ALDH18A1: variants seen among roughly 807,000 people sequenced by gnomAD.
The protein encoded by ALDH18A1 is delta-1-pyrroline-5-carboxylate synthase.
A neutral mutation model predicts 88.8 loss-of-function variants in ALDH18A1; 44 were observed. That is an observed-to-expected ratio of 0.50 (90% confidence interval 0.39 to 0.64). The LOEUF is 0.64. ALDH18A1 is among the 30% of genes least tolerant of loss of function. The probability of loss-of-function intolerance (pLI) is 0.00; values close to 1 mark genes in which losing one functional copy is unlikely to be tolerated. For synonymous variants in ALDH18A1, 331 were observed against 372.1 expected (o/e 0.89, Z 1.27); for missense variants, 782 against 1,009.5 (o/e 0.77, Z 3.05).
At chr10:95,626,665 C>G in intron 10 of ALDH18A1, 38 bp downstream of exon 10, 2 of 1,604,696 alleles carry the variant, frequency 1.2e-6, no homozygotes, top group Non-Finnish European at 1.7e-6. Context: ...ATGACTCACT[C>G]TGAAAACTAT....
At chr10:95,627,783 A>C (rs1187825580) in intron 8 of ALDH18A1, among the ~76,000 whole-genome samples, 197 bp from the exon 9 acceptor site, 1 of 152,264 alleles carries the variant, frequency 6.6e-6, no homozygotes, top group East Asian at 1.9e-4. Flanking sequence ...TGTGTTACTT[A>C]AAGGTAAACC....
At chr10:95,628,853 G>A (rs1255392812) in intron 7 of ALDH18A1, 1 of 326,206 alleles carries the variant, frequency 3.1e-6, no homozygotes, top group African/African-American at 2.1e-5. Context: ...GAAAAAGAAG[G>A]GTGGCTATTG....
At chr10:95,628,737 T>C in intron 7 of ALDH18A1, 2 of 497,042 alleles carry the variant, frequency 4.0e-6, no homozygotes, top group Non-Finnish European at 7.3e-6. Flanking sequence ...CATCAGATCA[T>C]GGCCATATCC....
rs1447413044 is a variant in ALDH18A1, at chr10:95,626,792, C to A, written c.1079-16G>T. ...ACAGTAGGGCCTGCAAGAATATGTG[C>A]AAATATCAGGTCATGGTCACCTTAG... On this transcript the variant is annotated splice_polypyrimidine_tract_variant and intron_variant, in intron 9 of 17. Transcript: ENST00000371224. The A allele has an allele frequency of 3.1e-6, 5 of 1,613,592 alleles. No individual in the cohort carries two copies. The highest frequency in any genetic ancestry group is 3.3e-5 in the Admixed American group (2 of 59,980).
chr10:95,637,003 C>T (rs749787993), intron 5 of ALDH18A1, 90 bp downstream of exon 5: 119 of 1,185,150 alleles, frequency 1.0e-4, no homozygotes, highest in Non-Finnish European at 1.4e-4. Context: ...GAAGCTGACA[C>T]CATATTCCAA....
intron 1 of ALDH18A1, among the ~76,000 whole-genome samples, chr10:95,654,603 T>C (rs947087144): frequency 1.3e-5 from 2 of 151,672 alleles, no homozygotes; most frequent in African/African-American, 4.9e-5. Flanking sequence ...GAAGAAAAAT[T>C]AGGAATGGTG....
At position 95,653,352 on chromosome 10, in the gene ALDH18A1, C is replaced by A. The variant is rs2139670109; in HGVS notation, c.26G>T (p.Gly9Val). Residue 9 changes from glycine (G) to valine (V), a missense_variant, in exon 2 of 18, where the codon GGG becomes GTG. Coordinates refer to ENST00000371224, the MANE Select transcript of ALDH18A1 (RefSeq NM_002860.4). ...AAGATGTTGGTTGAAGGGCTGGAAC[C>A]CACAGCGGTAAACTTGACTCAACAT... MLSQVYRC[G>V]FQPFNQHLLP... is the part of the protein sequence containing the mutation. The A allele has an allele frequency of 6.2e-7, 1 of 1,612,748 alleles. No homozygotes were observed.
At chr10:95,610,397 T>A in intron 16 of ALDH18A1, 105 bp from the exon 17 acceptor site, 2 of 1,019,328 alleles carry the variant, frequency 2.0e-6, no homozygotes, top group Non-Finnish European at 1.5e-6. Flanking sequence ...GGGTCCCCAC[T>A]GGGGCCTCTC....
chr10:95,610,794 TA>T (rs1023338429), intron 16 of ALDH18A1, among the ~76,000 whole-genome samples: 2 of 152,312 alleles, frequency 1.3e-5, no homozygotes, highest in African/African-American at 4.8e-5. Flanking sequence ...TCTGGTGCCC[TA>T]ATTAGCTGAC....
chr10:95,614,298 C>A, intron 13 of ALDH18A1, 137 bp from the exon 14 acceptor site: 1 of 970,276 alleles, frequency 1.0e-6, no homozygotes, highest in Admixed American at 2.5e-5. Context: ...ATTCTAAAAA[C>A]AAAATTAAGT....
At chr10:95,636,990 G>T in intron 5 of ALDH18A1, 103 bp downstream of exon 5, 3 of 1,066,868 alleles carry the variant, frequency 2.8e-6, no homozygotes, top group Non-Finnish European at 4.2e-6. Context: ...AGTAGCAAGT[G>T]ATGAAGCTGA....
intron 11 of ALDH18A1, 61 bp from the exon 12 acceptor site, chr10:95,621,312 C>G (rs991727746): frequency 7.4e-7 from 1 of 1,346,988 alleles, no homozygotes; most frequent in Admixed American, 2.3e-5. Context: ...AGCTACCAAC[C>G]GATGTGTCTT....
Position 95,606,894 on chromosome 10 carries a change from T to C in ALDH18A1, c.2256A>G (p.Val752=). 1.2e-6 allele frequency: 2 copies of C among 1,614,188 alleles called. No individual in the cohort carries two copies. The highest frequency in any genetic ancestry group is 1.7e-6 in the Non-Finnish European group (2 of 1,180,020). ...STSRIHARGP[V]GLEGLLTTKW... ...TAGTAGTAAGCAGTCCCTCAAGTCCTACTGGTCCCCGGGCGTGGATTCTCG... is the reference window on the plus strand; with the variant it reads ...TAGTAGTAAGCAGTCCCTCAAGTCCCACTGGTCCCCGGGCGTGGATTCTCG... Residue 752 remains valine, a synonymous_variant, in exon 18 of 18, where the codon GTA becomes GTG. Coordinates refer to ENST00000371224, the MANE Select transcript of ALDH18A1 (RefSeq NM_002860.4).
Position 95,606,746 on chromosome 10 carries a change from G to C in ALDH18A1, c.*16C>G. 6.2e-7 allele frequency: 1 copy of C among 1,614,144 alleles called. No homozygotes were observed. Among genetic ancestry groups the C allele is most frequent in the Non-Finnish European group, 8.5e-7 (1 of 1,179,992 alleles). Reference sequence around the variant, plus strand: ...TGAAGACCTTTTGGAAAATTCCCGGGTTTTCCTGGCTCTTTTCAGTTGGTG... The same window carrying C: ...TGAAGACCTTTTGGAAAATTCCCGGCTTTTCCTGGCTCTTTTCAGTTGGTG... On this transcript the variant is annotated 3_prime_UTR_variant, in exon 18 of 18. Coordinates refer to ENST00000371224, the MANE Select transcript of ALDH18A1 (RefSeq NM_002860.4).
intron 17 of ALDH18A1, among the ~76,000 whole-genome samples, chr10:95,609,767 C>CTTTTTTTTTT (rs1193875091): frequency 6.5e-5 from 2 of 30,694 alleles, no homozygotes; most frequent in Non-Finnish European, 1.8e-4. Context: ...AAGTCTGTCT[C>CTTTTTTTTTT]TATTTTTTTT....
chr10:95,635,439 C>A (rs956984045), intron 5 of ALDH18A1, among the ~76,000 whole-genome samples: 1 of 152,068 alleles, frequency 6.6e-6, no homozygotes, highest in African/African-American at 2.4e-5. Context: ...TTTAGACAAG[C>A]GCAATCTGTT....
At chr10:95,654,133 T>G (rs373569823) in intron 1 of ALDH18A1, among the ~76,000 whole-genome samples, 1 of 151,808 alleles carries the variant, frequency 6.6e-6, no homozygotes, top group Non-Finnish European at 1.5e-5. Flanking sequence ...CCTTCCTATA[T>G]GTACAGGGAG....
At chr10:95,649,745 G>C (rs2097907213) in intron 2 of ALDH18A1, among the ~76,000 whole-genome samples, 1 of 152,070 alleles carries the variant, frequency 6.6e-6, no homozygotes, top group African/African-American at 2.4e-5. Context: ...GCTGGATATG[G>C]TGGTGCACGC....
At position 95,643,201 on chromosome 10, in the gene ALDH18A1, T is replaced by C. The variant is rs2097895266; in HGVS notation, c.94A>G (p.Ile32Val). The change falls in exon 3 of 18, where the codon ATC (isoleucine) becomes GTC (valine). Residue 32 changes from isoleucine to valine, a missense_variant. Coordinates refer to ENST00000371224, the MANE Select transcript of ALDH18A1 (RefSeq NM_002860.4). ...ACATGTCTGATGACTGAAGGCTGGA[T>C]ACAATCTGTAGCCATCAAAGTCAAA... ...KCTTVFRSHCIQPSVIRHVRS... is the reference protein window; with the variant it reads ...KCTTVFRSHCVQPSVIRHVRS... 3 of 1,614,134 alleles carry C rather than the reference T, an allele frequency of 1.9e-6. No individual in the cohort carries two copies. The highest frequency in any genetic ancestry group is 2.5e-6 in the Non-Finnish European group (3 of 1,180,016).
Sources: allele counts gnomAD v4.1 joint callset (sites outside exome capture counted in the v4.1 genomes callset), GRCh38; gene constraint gnomAD v4.1.1; transcripts MANE v1.5; gene names NCBI Gene and HGNC (gene_info 2026-07-23, HGNC 2026-07-21).